Variants in CSMD1 observed in about 807,000 individuals in gnomAD.
The protein encoded by CSMD1 is CUB and sushi domain-containing protein 1.
A neutral mutation model predicts 417.5 loss-of-function variants in CSMD1; 213 were observed. The observed-to-expected ratio is 0.51, with a 90% CI of 0.46 to 0.57. CSMD1 has a LOEUF of 0.57. Among genes scored for constraint, CSMD1 ranks in the 20% least tolerant of loss-of-function variants. The probability of loss-of-function intolerance (pLI) is 0.00; values close to 1 mark genes in which losing one functional copy is unlikely to be tolerated. For synonymous variants in CSMD1, 2,862 were observed against 1,736.8 expected, an observed-to-expected ratio of 1.65 and a Z score of -16.11; for missense variants, 6,923 against 4,529.7, an observed-to-expected ratio of 1.53 and a Z score of -15.17.
chr8:4,943,682 T>C (rs1163798188), intron 1 of CSMD1, among the ~76,000 whole-genome samples: 1 of 152,180 alleles, frequency 6.6e-6, no homozygotes, highest in Non-Finnish European at 1.5e-5. Flanking sequence ...GCAGACTGAA[T>C]CACATATCTG....
chr8:4,260,913 TA>T (rs1803835159), intron 3 of CSMD1, among the ~76,000 whole-genome samples: 1 of 152,188 alleles, frequency 6.6e-6, no homozygotes, highest in Non-Finnish European at 1.5e-5. Flanking sequence ...ACACCACGGT[TA>T]TTTTAGTTAG....
At chr8:3,379,323 C>T (rs1469623245) in intron 18 of CSMD1, among the ~76,000 whole-genome samples, 1 of 152,022 alleles carries the variant, frequency 6.6e-6, no homozygotes, top group Non-Finnish European at 1.5e-5. Flanking sequence ...CAATACTGTC[C>T]AAAGTAATTT....
intron 7 of CSMD1, among the ~76,000 whole-genome samples, chr8:3,631,389 T>C (rs1238703920): frequency 1.3e-5 from 2 of 152,150 alleles, no homozygotes; most frequent in East Asian, 1.9e-4. Context: ...AGTCAGTGAC[T>C]GGAGTAGCAA....
At position 4,713,830 on chromosome 8, in the gene CSMD1, C is replaced by T. The variant is rs545548488; in HGVS notation, c.86-76272G>A. 3.9e-5 allele frequency among the ~76,000 whole-genome samples: 6 copies of T among 152,058 alleles called. No individual in the cohort carries two copies. In the East Asian group the frequency reaches 5.8e-4, roughly 15 times the overall value. ...TTCTAATCTGCATGCTTTCTTCTGT[C>T]CTTTTAATTTTCCTATCTTTTGAAG... On this transcript the variant is annotated intron_variant, in intron 1 of 69. Transcript: ENST00000635120.
intron 2 of CSMD1, among the ~76,000 whole-genome samples, chr8:4,430,442 G>A (rs1349849241): frequency 1.3e-5 from 2 of 150,876 alleles, no homozygotes; most frequent in Non-Finnish European, 1.5e-5. Context: ...GACCCTGAGA[G>A]GAATTTCATT....
intron 1 of CSMD1, among the ~76,000 whole-genome samples, chr8:4,982,345 G>C (rs977044105): frequency 2.0e-5 from 3 of 152,174 alleles, no homozygotes; most frequent in Admixed American, 1.3e-4. Context: ...CTGTTTTCTA[G>C]CTCTTGAGTT....
intron 41 of CSMD1, among the ~76,000 whole-genome samples, chr8:3,136,554 C>G (rs150630377): frequency 1.2e-3 from 183 of 152,176 alleles, no homozygotes; most frequent in African/African-American, 4.2e-3. Context: ...CATGAGCCAC[C>G]GTGACCGGCT....
Position 3,686,942 on chromosome 8 carries a change from G to T in CSMD1, c.1009+21472C>A, listed in dbSNP as rs1799972556. Reference sequence around the variant, plus strand: ...AGAGCTTTGTCTCCCCTACACTGGGGGGTGTCTTTTCCATATCCACATAGA... The same window carrying T: ...AGAGCTTTGTCTCCCCTACACTGGGTGGTGTCTTTTCCATATCCACATAGA... On this transcript the variant is annotated intron_variant, in intron 7 of 69. Transcript: ENST00000635120. Among the ~76,000 whole-genome samples, 2 of 152,176 alleles carry T rather than the reference G, an allele frequency of 1.3e-5. 1 individual carries two copies. The highest frequency in any genetic ancestry group is 4.1e-4 in the South Asian group (2 of 4,830).
At chr8:3,464,965 ACT>A (rs199777762) in intron 12 of CSMD1, among the ~76,000 whole-genome samples, 33 of 151,230 alleles carry the variant, frequency 2.2e-4, no homozygotes, top group Non-Finnish European at 8.8e-5. Context: ...ATCAATTCAC[ACT>A]CTCTCTCTCT....
chr8:4,650,042 C>T (rs10503269), intron 1 of CSMD1, among the ~76,000 whole-genome samples: 23,703 of 152,060 alleles, frequency 0.16, 2,317 homozygotes, highest in Middle Eastern at 0.3. Context: ...GATGAGACAG[C>T]TTTACGTGTG....
chr8:4,862,511 C>A (rs1450929099), intron 1 of CSMD1, among the ~76,000 whole-genome samples: 1 of 151,928 alleles, frequency 6.6e-6, no homozygotes, highest in Non-Finnish European at 1.5e-5. Flanking sequence ...GAAATATCAT[C>A]GTGGTTTGGA....
chr8:3,657,029 A>G (rs1217893090), intron 7 of CSMD1, among the ~76,000 whole-genome samples: 1 of 149,658 alleles, frequency 6.7e-6, no homozygotes, highest in African/African-American at 2.4e-5. Flanking sequence ...GACATACAGG[A>G]AAGTGTCTGC....
intron 67 of CSMD1, among the ~76,000 whole-genome samples, 194 bp from the exon 68 acceptor site, chr8:2,949,580 TTAAC>T (rs1250696552): frequency 7.2e-5 from 11 of 152,172 alleles, no homozygotes; most frequent in Non-Finnish European, 7.4e-5. Flanking sequence ...GAAGTGAACT[TTAAC>T]TAACATATGC....
chr8:4,861,382 C>G (rs751957795), intron 1 of CSMD1, among the ~76,000 whole-genome samples: 2 of 152,068 alleles, frequency 1.3e-5, no homozygotes, highest in Non-Finnish European at 2.9e-5. Flanking sequence ...CTGAAGGCAG[C>G]TTGACTCTAT....
At chr8:4,379,861 T>G (rs964491246) in intron 3 of CSMD1, among the ~76,000 whole-genome samples, 2 of 152,220 alleles carry the variant, frequency 1.3e-5, no homozygotes, top group Admixed American at 1.3e-4. Context: ...GAGACAGTGA[T>G]GTTCACATGC....
chr8:4,939,744 G>A (rs900061775), intron 1 of CSMD1, among the ~76,000 whole-genome samples: 11 of 152,250 alleles, frequency 7.2e-5, no homozygotes, highest in East Asian at 1.9e-4. Flanking sequence ...CAGAGAGTAC[G>A]TGTGGAGTAT....
intron 1 of CSMD1, among the ~76,000 whole-genome samples, chr8:4,789,850 A>G (rs1035350804): frequency 3.3e-5 from 5 of 152,146 alleles, no homozygotes; most frequent in Non-Finnish European, 7.3e-5. Context: ...AACTTTCTTA[A>G]TCTCTTTTAG....
chr8:2,947,865 T>C (rs1396780392), intron 68 of CSMD1, among the ~76,000 whole-genome samples: 2 of 152,156 alleles, frequency 1.3e-5, no homozygotes, highest in Non-Finnish European at 2.9e-5. Flanking sequence ...CATTATAATG[T>C]TCTTCTATTT....
chr8:3,655,930 C>T (rs2449211), intron 7 of CSMD1, among the ~76,000 whole-genome samples: 133,916 of 152,180 alleles, frequency 0.88, 59,155 homozygotes, highest in Non-Finnish European at 0.92. Flanking sequence ...AAGAGCAGGA[C>T]TGGAGCCCTC....
Sources: gnomAD v4.1 joint callset for allele counts (sites outside exome capture counted in the v4.1 genomes callset) on GRCh38, gnomAD v4.1.1 for gene constraint, MANE v1.5 for transcripts, NCBI Gene and HGNC (gene_info 2026-07-23, HGNC 2026-07-21) for gene names.